The following CPNE5 variants were observed in gnomAD, a reference collection of about 807,000 sequenced individuals.
CPNE5 encodes the protein copine 5.
CPNE5 carries 42 observed loss-of-function variants against 81.1 expected under a neutral mutation model. The observed-to-expected ratio is 0.52, with a 90% CI of 0.40 to 0.67. The LOEUF (loss-of-function observed/expected upper bound fraction) is 0.67, where lower values mean the gene tolerates loss of function less well. CPNE5 is among the 30% of genes least tolerant of loss of function. The pLI is 0.00. For missense variants in CPNE5, 612 were observed against 815.5 expected, an observed-to-expected ratio of 0.75 and a Z score of 3.04; for synonymous variants, 313 against 321.5, an observed-to-expected ratio of 0.97 and a Z score of 0.28.
chr6:36,811,087 G>C (rs189514392), intron 3 of CPNE5, among the ~76,000 whole-genome samples: 44 of 152,274 alleles, frequency 2.9e-4, no homozygotes, highest in Admixed American at 2.4e-3. Flanking sequence ...CTCGGGGAAC[G>C]GGGAACGACC....
At chr6:36,814,102 T>C (rs984073422) in intron 3 of CPNE5, among the ~76,000 whole-genome samples, 14 of 152,192 alleles carry the variant, frequency 9.2e-5, no homozygotes, top group African/African-American at 2.9e-4. Flanking sequence ...ATCTGACAAA[T>C]GCATTTGACT....
At chr6:36,778,744 G>A in intron 9 of CPNE5, 110 bp downstream of exon 9, 2 of 774,512 alleles carry the variant, frequency 2.6e-6, no homozygotes, top group South Asian at 3.3e-5. Context: ...CTCTAGAGCA[G>A]AAGGAGATGG....
Position 36,826,611 on chromosome 6 carries a change from A to C in CPNE5, c.96-3513T>G, listed in dbSNP as rs146707534. Among the ~76,000 whole-genome samples the C allele has an allele frequency of 5.8e-3, 883 of 152,284 alleles. 12 individuals carry two copies. The highest frequency in any genetic ancestry group is 0.02 in the African/African-American group (841 of 41,564). The stretch of plus-strand genomic sequence containing the variant: ...TATCTGTCTCTCACACTGGCTGTGC[A>C]TGCCTCCATGGCAGAGTTTCCCACC... On this transcript the variant is annotated intron_variant, in intron 1 of 20. Coordinates refer to ENST00000244751, the MANE Select transcript of CPNE5 (RefSeq NM_020939.2).
At chr6:36,783,230 G>A (rs1768200232) in intron 8 of CPNE5, among the ~76,000 whole-genome samples, 1 of 152,064 alleles carries the variant, frequency 6.6e-6, no homozygotes, top group Non-Finnish European at 1.5e-5. Flanking sequence ...GAGGGTGGAG[G>A]GTGGGAGGAA....
chr6:36,795,876 A>T (rs191618083), intron 6 of CPNE5, among the ~76,000 whole-genome samples: 3 of 152,240 alleles, frequency 2.0e-5, no homozygotes, highest in African/African-American at 7.2e-5. Flanking sequence ...CTAAACTAAG[A>T]TATGTGAAAT....
chr6:36,763,003 A>G lies in CPNE5; in HGVS notation c.780-11T>C. The G allele has an allele frequency of 6.2e-7, 1 of 1,613,764 alleles. No homozygotes were observed. The highest frequency in any genetic ancestry group is 8.5e-7 in the Non-Finnish European group (1 of 1,179,694). On this transcript the variant is annotated splice_polypyrimidine_tract_variant and intron_variant, in intron 11 of 20. Transcript: ENST00000244751. ...CCAATGAAGTCATGGCTGCAAGGGA[A>G]GACGGCTGCTGAGACCAAGGCCAGG...
chr6:36,742,958 G>A lies in CPNE5; in HGVS notation c.1564-472C>T, dbSNP rs942938629. On this transcript the variant is annotated intron_variant, in intron 20 of 20. Coordinates refer to ENST00000244751, the MANE Select transcript of CPNE5 (RefSeq NM_020939.2). Reference sequence around the variant, plus strand: ...CAGGCCCATCTGGCTTCTTCCCGGGGGTGCCCTCCATCCTGAGCGCCTCTT... The same window carrying A: ...CAGGCCCATCTGGCTTCTTCCCGGGAGTGCCCTCCATCCTGAGCGCCTCTT... 3.0e-6 allele frequency: 3 copies of A among 985,222 alleles called. No homozygotes were observed. In the African/African-American group the frequency reaches 5.2e-5, roughly 17 times the overall value. 61.0% of individuals were successfully genotyped at this position (985,222 alleles called of 1,614,324 possible).
At chr6:36,748,419 G>C (rs1764429436) in intron 14 of CPNE5, 152 bp from the exon 15 acceptor site, 2 of 699,838 alleles carry the variant, frequency 2.9e-6, no homozygotes, top group South Asian at 3.2e-5. Context: ...GTTCTGGAGA[G>C]CTGAGATAGT....
At chr6:36,744,832 G>C (rs549823599) in intron 18 of CPNE5, among the ~76,000 whole-genome samples, 2 of 152,292 alleles carry the variant, frequency 1.3e-5, no homozygotes, top group South Asian at 2.1e-4. Flanking sequence ...CCTTCCACCC[G>C]CTAGAATCCA....
intron 1 of CPNE5, among the ~76,000 whole-genome samples, chr6:36,828,043 C>A (rs918229819): frequency 6.6e-6 from 1 of 151,812 alleles, no homozygotes; most frequent in Non-Finnish European, 1.5e-5. Context: ...AGAAAATGGT[C>A]ATTCATTGGG....
At position 36,823,100 on chromosome 6, in the gene CPNE5, T is replaced by C; in HGVS notation, c.96-2A>G. 6.4e-7 allele frequency: 1 copy of C among 1,566,214 alleles called. No homozygotes were observed. The highest frequency in any genetic ancestry group is 2.4e-5 in the East Asian group (1 of 41,988). On this transcript the variant is annotated splice_acceptor_variant, in intron 1 of 20. Coordinates refer to ENST00000244751, the MANE Select transcript of CPNE5 (RefSeq NM_020939.2). LOFTEE classifies it high-confidence loss of function. ...AACATGTCTTTGTCCAGGAGGTTCC[T>C]GAAAGAGGGGGAGAGAGGAGGGGTT... is the stretch of plus-strand genomic sequence containing the variant.
chr6:36,783,522 TTCTC>T (rs35764239), intron 8 of CPNE5, among the ~76,000 whole-genome samples: 7 of 150,580 alleles, frequency 4.6e-5, no homozygotes, highest in Non-Finnish European at 5.9e-5. Flanking sequence ...TTCAGACAGG[TTCTC>T]TCTCTCTCTC....
At chr6:36,775,210 C>T (rs1767397878) in intron 9 of CPNE5, 145 bp from the exon 10 acceptor site, 5 of 650,212 alleles carry the variant, frequency 7.7e-6, no homozygotes, top group Non-Finnish European at 1.1e-5. Flanking sequence ...CTGCCCATCA[C>T]TGACAGCAGC....
intron 1 of CPNE5, among the ~76,000 whole-genome samples, chr6:36,836,045 G>C (rs1773473063): frequency 6.6e-6 from 1 of 152,236 alleles, no homozygotes; most frequent in African/African-American, 2.4e-5. Context: ...CATAGGAAGA[G>C]AGCTGGGATT....
In CPNE5 at chr6:36,798,478, T is replaced by C; in HGVS notation, c.304A>G (p.Lys102Glu). 6.2e-7 allele frequency: 1 copy of C among 1,614,078 alleles called. No homozygotes were observed. Among genetic ancestry groups the C allele is most frequent in the Non-Finnish European group, 8.5e-7 (1 of 1,179,950 alleles). The change falls in exon 5 of 21, where the codon AAG becomes GAG. Residue 102 changes from lysine (K) to glutamate (E), a missense_variant. Coordinates refer to ENST00000244751, the MANE Select transcript of CPNE5 (RefSeq NM_020939.2). ...ACGTGTTTGGATAAATCAGGACTCT[T>C]AGAGTCAACGTCGTATCTGCAGGGA... is the stretch of plus-strand genomic sequence containing the variant. The part of the protein sequence containing the change: ...LRFDLYDVDS[K>E]SPDLSKHDFL...
chr6:36,758,808 C>T (rs1311306924), intron 12 of CPNE5, among the ~76,000 whole-genome samples: 2 of 152,146 alleles, frequency 1.3e-5, no homozygotes, highest in Non-Finnish European at 2.9e-5. Context: ...GGAGGTCTGG[C>T]AAGCTGTGCA....
At chr6:36,796,707 T>C (rs1253644161) in intron 6 of CPNE5, among the ~76,000 whole-genome samples, 1 of 152,188 alleles carries the variant, frequency 6.6e-6, no homozygotes, top group Non-Finnish European at 1.5e-5. Context: ...CCTCAAATTC[T>C]ATAAGCTATA....
rs1436409718 is a variant in CPNE5, at chr6:36,839,327, C to G, written c.51G>C (p.Ala17=). 1 of 1,552,220 alleles carries G rather than the reference C, an allele frequency of 6.4e-7. No individual in the cohort carries two copies. Among genetic ancestry groups the G allele is most frequent in the Admixed American group, 1.9e-5 (1 of 51,954 alleles). Residue 17 remains alanine, a synonymous_variant, in exon 1 of 21, where the codon GCG becomes GCC. Transcript: ENST00000244751. This position sits in a 1 kb window ranked among gnomAD's most constrained non-coding sequence, Gnocchi z 7.3. ...CCACCTTGGTGGCCGGGATGCTGCCCGCCAAGGAGTCGAACTCGCTCAGCG... is the reference window on the plus strand; with the variant it reads ...CCACCTTGGTGGCCGGGATGCTGCCGGCCAAGGAGTCGAACTCGCTCAGCG... The part of the protein sequence containing the change: ...MASLSEFDSL[A]GSIPATKVEI...
At chr6:36,828,939 ACAGTC>A (rs1409571874) in intron 1 of CPNE5, among the ~76,000 whole-genome samples, 3 of 152,338 alleles carry the variant, frequency 2.0e-5, no homozygotes, top group Admixed American at 6.5e-5. Flanking sequence ...AGGGCTAATA[ACAGTC>A]CCCCCCTCCC....
Sources: gnomAD v4.1 joint callset for allele counts (sites outside exome capture counted in the v4.1 genomes callset) on GRCh38, gnomAD v4.1.1 for gene constraint, Gnocchi (gnomAD v3.1) non-coding constraint, MANE v1.5 for transcripts, NCBI Gene and HGNC (gene_info 2026-07-23, HGNC 2026-07-21) for gene names.